TBK1: variants seen among roughly 807,000 people sequenced by gnomAD.
TBK1 encodes TANK binding kinase 1, also known as serine/threonine-protein kinase TBK1.
A neutral mutation model predicts 99.9 loss-of-function variants in TBK1; 37 were observed. The observed-to-expected ratio is 0.37, with a 90% CI of 0.28 to 0.49. The LOEUF (loss-of-function observed/expected upper bound fraction) is 0.49. Among genes scored for constraint, TBK1 ranks in the 20% least tolerant of loss-of-function variants. The pLI is 0.98. For missense variants in TBK1, 644 were observed against 872.5 expected, an observed-to-expected ratio of 0.74 and a Z score of 3.30; for synonymous variants, 258 against 279.8, an observed-to-expected ratio of 0.92 and a Z score of 0.78.
chr12:64,490,085 G>A lies in TBK1; in HGVS notation c.1487G>A (p.Gly496Asp), dbSNP rs2040855100. ...ATCAACCTGGAAGCGGCAGAGTTAG[G>A]TGAAATTTCAGACATACACACCAAA... ...MKINLEAAEL[G>D]EISDIHTKLL... The change falls in exon 13 of 21, where the codon GGT becomes GAT. Residue 496 changes from glycine (G) to aspartate (D), a missense_variant. Physicochemically the swap from Gly to Asp is moderately conservative, Grantham distance 94 (BLOSUM62 -1). Around this residue, in one of 3 missense-constraint regions of TBK1, gnomAD observed 465 missense variants for 588.0 expected, o/e 0.79. Transcript: ENST00000331710. 1 of 1,611,470 alleles carries A rather than the reference G, an allele frequency of 6.2e-7. No homozygotes were observed. The highest frequency in any genetic ancestry group is 1.3e-5 in the African/African-American group (1 of 74,802).
At chr12:64,498,172 C>T (rs1346858945) in intron 20 of TBK1, 133 bp downstream of exon 20, 7 of 708,328 alleles carry the variant, frequency 9.9e-6, no homozygotes, top group Non-Finnish European at 1.6e-5. Flanking sequence ...GTTTTTCTCT[C>T]TATGATTGTG....
intron 11 of TBK1, among the ~76,000 whole-genome samples, chr12:64,486,410 TAC>T (rs2040820366): frequency 6.6e-6 from 1 of 152,084 alleles, no homozygotes; most frequent in African/African-American, 2.4e-5. Context: ...CCAAATGAAG[TAC>T]ACAGTCCTTT....
intron 13 of TBK1, among the ~76,000 whole-genome samples, chr12:64,492,695 A>G (rs1316405541): frequency 6.6e-6 from 1 of 151,988 alleles, no homozygotes; most frequent in Admixed American, 6.6e-5. Context: ...ACTTCAAGCC[A>G]ATTACTTTTC....
At chr12:64,488,072 C>A (rs774951968) in intron 11 of TBK1, among the ~76,000 whole-genome samples, 1 of 152,152 alleles carries the variant, frequency 6.6e-6, no homozygotes, top group Non-Finnish European at 1.5e-5. Context: ...ATCTGAAAAA[C>A]ACTTCTGGTC....
rs2040936576 is a variant in TBK1, at chr12:64,497,242, C to G, written c.1942C>G (p.Gln648Glu). The change falls in exon 18 of 21, where the codon CAA becomes GAA. Residue 648 changes from glutamine to glutamate, a missense_variant. Physicochemically the swap from Gln to Glu is conservative, Grantham distance 29. Coordinates refer to ENST00000331710, the MANE Select transcript of TBK1 (RefSeq NM_013254.4). Reference protein sequence around the residue: ...FDIEEEVSKYQEYTNELQETL... With the variant: ...FDIEEEVSKYEEYTNELQETL... ...TATTGAAGAAGAAGTATCAAAATAT[C>G]AAGAATATACTAATGAGGTAGGTAC... The G allele has an allele frequency of 6.3e-7, 1 of 1,587,430 alleles. No individual in the cohort carries two copies.
chr12:64,452,835 G>A (rs531326856), intron 1 of TBK1: 1 of 152,292 alleles, frequency 6.6e-6, no homozygotes, highest in African/African-American at 2.4e-5. Context: ...TCTATCCCAA[G>A]TATTCTTAGT....
intron 12 of TBK1, among the ~76,000 whole-genome samples, chr12:64,489,041 A>G (rs528470204): frequency 6.6e-6 from 1 of 152,344 alleles, no homozygotes; most frequent in South Asian, 2.1e-4. Context: ...TTACTTTATC[A>G]TCACAAAGGC....
chr12:64,482,862 C>G (rs577918065), intron 8 of TBK1, among the ~76,000 whole-genome samples: 53 of 152,216 alleles, frequency 3.5e-4, no homozygotes, highest in African/African-American at 1.2e-3. Flanking sequence ...AGAACTATTC[C>G]CATCATTAAG....
At chr12:64,493,183 T>C (rs988017644) in intron 13 of TBK1, among the ~76,000 whole-genome samples, 2 of 150,622 alleles carry the variant, frequency 1.3e-5, no homozygotes, top group African/African-American at 4.9e-5. Context: ...CGTGAGCCAC[T>C]GCGCCCGGCT....
chr12:64,463,874 T>TG (rs1399523312), intron 3 of TBK1, among the ~76,000 whole-genome samples: 2 of 151,496 alleles, frequency 1.3e-5, no homozygotes, highest in Non-Finnish European at 2.9e-5. Context: ...TTTTTTGTTT[T>TG]TTTTTTTTGA....
At position 64,482,034 on chromosome 12, in the gene TBK1, A is replaced by G. The variant is rs777559923; in HGVS notation, c.992+13A>G. 46 of 1,473,952 alleles carry G rather than the reference A, an allele frequency of 3.1e-5. No individual in the cohort carries two copies. The highest frequency in any genetic ancestry group is 5.8e-5 in the African/African-American group (4 of 69,530). 91.3% of individuals were successfully genotyped at this position (1,473,952 alleles called of 1,614,324 possible). On this transcript the variant is annotated intron_variant, in intron 8 of 20. Coordinates refer to ENST00000331710, the MANE Select transcript of TBK1 (RefSeq NM_013254.4). ...ATAGCTATAATACGTAAGTATCTCT[A>G]TTTTCTTCTTGTATCAACATGTTCT... is the stretch of plus-strand genomic sequence containing the variant.
intron 13 of TBK1, among the ~76,000 whole-genome samples, chr12:64,493,846 A>T (rs2040897987): frequency 1.3e-5 from 2 of 152,172 alleles, no homozygotes. Context: ...TATATGTATT[A>T]TTAAATGACT....
intron 6 of TBK1, 93 bp from the exon 7 acceptor site, chr12:64,479,919 G>T (rs1402011511): frequency 5.6e-6 from 4 of 713,330 alleles, no homozygotes; most frequent in East Asian, 2.8e-5. Flanking sequence ...GTAGATAATT[G>T]TAGGTGCAAT....
chr12:64,501,406 G>C lies in TBK1; in HGVS notation c.*25G>C, dbSNP rs1248569357. On this transcript the variant is annotated 3_prime_UTR_variant, in exon 21 of 21. Coordinates refer to ENST00000331710, the MANE Select transcript of TBK1 (RefSeq NM_013254.4). Reference sequence around the variant, plus strand: ...GCTTTCTAATAGAAGTTTAAGAAAAGTTTCCGTTTGCACAAGAAAATAACG... The same window carrying C: ...GCTTTCTAATAGAAGTTTAAGAAAACTTTCCGTTTGCACAAGAAAATAACG... 1.2e-6 allele frequency: 2 copies of C among 1,610,618 alleles called. No individual in the cohort carries two copies. Among genetic ancestry groups the C allele is most frequent in the South Asian group, 1.1e-5 (1 of 90,118 alleles).
At chr12:64,494,624 A>G (rs955471943) in intron 13 of TBK1, among the ~76,000 whole-genome samples, 17 of 152,254 alleles carry the variant, frequency 1.1e-4, no homozygotes, top group African/African-American at 4.1e-4. Flanking sequence ...AAAATAGATG[A>G]GCACAGAACA....
intron 5 of TBK1, among the ~76,000 whole-genome samples, chr12:64,470,872 T>C (rs1010450852): frequency 1.3e-5 from 2 of 152,214 alleles, no homozygotes; most frequent in Non-Finnish European, 2.9e-5. Context: ...CTTTTGCCTC[T>C]AAGACTTTTA....
At position 64,480,076 on chromosome 12, in the gene TBK1, C is replaced by A; in HGVS notation, c.766C>A (p.Pro256Thr). Reference protein sequence around the residue: ...ISGVQKAENGPIDWSGDMPVS... With the variant: ...ISGVQKAENGTIDWSGDMPVS... ...TGGAGTACAGAAAGCAGAAAATGGA[C>A]CAATTGACTGGAGTGGAGACATGCC... Residue 256 changes from proline (P) to threonine (T), a missense_variant, in exon 7 of 21, where the codon CCA becomes ACA. Pro to Thr is a conservative substitution (Grantham distance 38, BLOSUM62 -1). This residue lies in a region of TBK1 where 465 missense variants were observed against 588.0 expected (regional missense o/e 0.79). Coordinates refer to ENST00000331710, the MANE Select transcript of TBK1 (RefSeq NM_013254.4). The A allele has an allele frequency of 6.2e-7, 1 of 1,612,722 alleles. No individual in the cohort carries two copies.
Position 64,455,884 on chromosome 12 carries a change from C to G in TBK1, c.14C>G (p.Ser5Cys), listed in dbSNP as rs764400429. 2.5e-5 allele frequency: 40 copies of G among 1,612,860 alleles called. No individual in the cohort carries two copies. In the South Asian group the frequency reaches 4.4e-4, roughly 18 times the overall value. MQST[S>C]NHLWLLSDIL... is the part of the protein sequence containing the mutation. ...GATCCAGCCAAGATGCAGAGCACTT[C>G]TAATCATCTGTGGCTTTTATCTGAT... is the stretch of plus-strand genomic sequence containing the variant. Residue 5 changes from serine (S) to cysteine (C), a missense_variant, in exon 2 of 21, where the codon TCT becomes TGT. Ser to Cys is a moderately radical substitution (Grantham distance 112). Transcript: ENST00000331710.
intron 15 of TBK1, 59 bp downstream of exon 15, chr12:64,495,834 T>A: frequency 7.5e-7 from 1 of 1,336,376 alleles, no homozygotes. Flanking sequence ...TAGTTATAAT[T>A]CAGTTAAATT....
Sources: allele counts gnomAD v4.1 joint callset (sites outside exome capture counted in the v4.1 genomes callset), GRCh38; gene constraint gnomAD v4.1.1; regional missense constraint gnomAD v4.1.1; transcripts MANE v1.5; gene names NCBI Gene and HGNC (gene_info 2026-07-23, HGNC 2026-07-21).